Variants in ERBB4 observed in about 807,000 individuals in gnomAD.
The protein encoded by ERBB4 is erb-b2 receptor tyrosine kinase 4.
A neutral mutation model predicts 158.0 loss-of-function variants in ERBB4; 42 were observed. The ratio of observed to expected loss-of-function variants is 0.27; its 90% CI spans 0.21 to 0.34. ERBB4 has a LOEUF of 0.34. Among genes scored for constraint, ERBB4 ranks in the 10% least tolerant of loss-of-function variants. The pLI is 1.00. For missense variants in ERBB4, 1,333 were observed against 1,624.1 expected (o/e 0.82, Z 3.08); for synonymous variants, 583 against 558.7 (o/e 1.04, Z -0.61).
intron 3 of ERBB4, among the ~76,000 whole-genome samples, chr2:211,830,269 T>C (rs2077191666): frequency 6.6e-6 from 1 of 152,178 alleles, no homozygotes; most frequent in Non-Finnish European, 1.5e-5. Flanking sequence ...CTGGATTTTA[T>C]TAACTTGAGG....
chr2:211,632,599 C>T (rs528995452), intron 16 of ERBB4, among the ~76,000 whole-genome samples: 28 of 150,286 alleles, frequency 1.9e-4, no homozygotes, highest in African/African-American at 6.4e-4. Context: ...AAAGAAAACG[C>T]TCTATTTTGT....
intron 1 of ERBB4, among the ~76,000 whole-genome samples, chr2:212,388,875 G>T (rs1318333402): frequency 6.6e-6 from 1 of 152,084 alleles, no homozygotes; most frequent in East Asian, 1.9e-4. Context: ...ATATTAGATG[G>T]CTGCTGGATT....
chr2:212,401,764 G>C (rs1229891443), intron 1 of ERBB4, among the ~76,000 whole-genome samples: 1 of 151,890 alleles, frequency 6.6e-6, no homozygotes, highest in South Asian at 2.1e-4. Flanking sequence ...CTGTGGTTTA[G>C]AGTATAGAGT....
intron 25 of ERBB4, among the ~76,000 whole-genome samples, chr2:211,413,994 G>A (rs572177662): frequency 1.3e-5 from 2 of 151,732 alleles, no homozygotes; most frequent in Admixed American, 1.3e-4. Flanking sequence ...AGTGCATGTG[G>A]GCTTCCAGTC....
At chr2:211,516,522 CG>C (rs2066039069) in intron 20 of ERBB4, among the ~76,000 whole-genome samples, 1 of 151,452 alleles carries the variant, frequency 6.6e-6, no homozygotes, top group Non-Finnish European at 1.5e-5. Context: ...TTAGTAGAGA[CG>C]GGAATCTCAC....
At chr2:211,789,633 C>A (rs1229777709) in intron 3 of ERBB4, among the ~76,000 whole-genome samples, 1 of 152,078 alleles carries the variant, frequency 6.6e-6, no homozygotes, top group Non-Finnish European at 1.5e-5. Flanking sequence ...AATATTGCTA[C>A]TGGGACAAAA....
intron 1 of ERBB4, among the ~76,000 whole-genome samples, chr2:212,394,409 C>A (rs1323662456): frequency 6.6e-6 from 1 of 151,858 alleles, no homozygotes; most frequent in African/African-American, 2.4e-5. Context: ...GAATTATTAA[C>A]CATTTTGTCA....
intron 12 of ERBB4, among the ~76,000 whole-genome samples, chr2:211,699,801 T>G (rs868771745): frequency 8.5e-5 from 13 of 152,180 alleles, no homozygotes; most frequent in Admixed American, 2.0e-4. Flanking sequence ...ATTATCATTG[T>G]CATTATTCAC....
intron 1 of ERBB4, among the ~76,000 whole-genome samples, chr2:212,287,464 A>G (rs1434164646): frequency 6.6e-6 from 1 of 152,122 alleles, no homozygotes; most frequent in African/African-American, 2.4e-5. Flanking sequence ...CCTTTCTATT[A>G]ACATAATTTT....
chr2:212,053,620 G>A (rs536213220), intron 2 of ERBB4, among the ~76,000 whole-genome samples: 1 of 152,176 alleles, frequency 6.6e-6, no homozygotes, highest in South Asian at 2.1e-4. Context: ...CTTTGTTCTT[G>A]GAATAGAAAC....
chr2:212,306,607 T>C (rs2086819966), intron 1 of ERBB4, among the ~76,000 whole-genome samples: 1 of 151,448 alleles, frequency 6.6e-6, no homozygotes, highest in Admixed American at 6.6e-5. Context: ...TCACATTTCT[T>C]CCTTATTTTA....
chr2:211,836,099 T>A (rs2077334999), intron 3 of ERBB4, among the ~76,000 whole-genome samples: 2 of 152,066 alleles, frequency 1.3e-5, no homozygotes, highest in South Asian at 2.1e-4. Flanking sequence ...ATAGGTTGTA[T>A]AATATATATC....
intron 3 of ERBB4, among the ~76,000 whole-genome samples, chr2:211,837,313 G>A (rs966544773): frequency 6.6e-6 from 1 of 152,038 alleles, no homozygotes; most frequent in Admixed American, 6.6e-5. Context: ...AGAGGGAAAG[G>A]TTAAAAGTAC....
chr2:211,643,759 G>A (rs1346150268), intron 16 of ERBB4, among the ~76,000 whole-genome samples: 1 of 151,912 alleles, frequency 6.6e-6, no homozygotes, highest in Admixed American at 6.6e-5. Flanking sequence ...GAGGGGGACA[G>A]GGGTGGGAGG....
At chr2:211,652,677 A>T (rs1436631138) in intron 16 of ERBB4, among the ~76,000 whole-genome samples, 2 of 152,190 alleles carry the variant, frequency 1.3e-5, no homozygotes, top group Non-Finnish European at 2.9e-5. Flanking sequence ...AAGAATATAA[A>T]ATGTTTCAAA....
rs189940364 is a variant in ERBB4 at position 211,487,243 on chromosome 2, G to A, written c.2488-56143C>T. 2.8e-3 allele frequency among the ~76,000 whole-genome samples: 407 copies of A among 146,594 alleles called. 11 individuals are homozygous for A. Among genetic ancestry groups the A allele is most frequent in the Admixed American group, 0.028 (392 of 14,210 alleles). On this transcript the variant is annotated intron_variant, in intron 20 of 27. Transcript: ENST00000342788. The stretch of plus-strand genomic sequence containing the variant: ...TTCCCACCTATGAGTGAGAACATGC[G>A]GTGTTTGGTTTTTTGTCCTTGAGAT...
chr2:212,128,052 C>T (rs2079996879), intron 1 of ERBB4, among the ~76,000 whole-genome samples: 1 of 152,224 alleles, frequency 6.6e-6, no homozygotes, highest in Non-Finnish European at 1.5e-5. Context: ...CACTTTCTCT[C>T]TCTCCAGGGT....
chr2:212,165,299 A>T (rs926888124), intron 1 of ERBB4, among the ~76,000 whole-genome samples: 3 of 150,418 alleles, frequency 2.0e-5, no homozygotes, highest in African/African-American at 7.3e-5. Flanking sequence ...CATTTTTTAA[A>T]TTTTTTGCAT....
chr2:211,979,142 A>G (rs2081718624), intron 2 of ERBB4, among the ~76,000 whole-genome samples: 1 of 152,192 alleles, frequency 6.6e-6, no homozygotes, highest in Non-Finnish European at 1.5e-5. Flanking sequence ...ACAAACAAAC[A>G]AAAACCATCT....
Sources: allele counts gnomAD v4.1 joint callset (sites outside exome capture counted in the v4.1 genomes callset), GRCh38; gene constraint gnomAD v4.1.1; transcripts MANE v1.5; gene names NCBI Gene and HGNC (gene_info 2026-07-23, HGNC 2026-07-21).